Variants in DGKQ observed in about 807,000 individuals in gnomAD.
DGKQ encodes the protein diacylglycerol kinase theta, also known as DAG kinase theta.
In DGKQ, 97 loss-of-function variants were observed where a neutral mutation model predicts 104.2. The ratio of observed to expected loss-of-function variants is 0.93; its 90% CI spans 0.79 to 1.10. DGKQ has a LOEUF of 1.10. Ranked by LOEUF, DGKQ falls within the 50% of genes least tolerant of loss-of-function variation. The pLI is 0.00. For synonymous variants in DGKQ, 736 were observed against 595.2 expected (o/e 1.24, Z -3.44); for missense variants, 1,465 against 1,352.1 (o/e 1.08, Z -1.31).
At chr4:963,044 C>A in intron 16 of DGKQ, 95 bp downstream of exon 16, 1 of 1,489,960 alleles carries the variant, frequency 6.7e-7, no homozygotes, top group South Asian at 1.3e-5. Context: ...ACGGGATCCC[C>A]GTGGAGCTCC....
Position 961,679 on chromosome 4 carries a change from C to A in DGKQ, c.2462+9G>T. On this transcript the variant is annotated intron_variant, in intron 20 of 22. Transcript: ENST00000273814. ...GGCAGAGCCTCTGGGGAGCCCCGCCCGCGAGCACCTGGGGATGTTGATGAA... is the reference window on the plus strand; with the variant it reads ...GGCAGAGCCTCTGGGGAGCCCCGCCAGCGAGCACCTGGGGATGTTGATGAA... 6.2e-7 allele frequency: 1 copy of A among 1,612,346 alleles called. No individual in the cohort carries two copies. The highest frequency in any genetic ancestry group is 1.1e-5 in the South Asian group (1 of 91,074).
chr4:966,781 G>A lies in DGKQ; in HGVS notation c.1333C>T (p.Gln445Ter). Residue 445 changes from glutamine to a stop codon, truncating the protein, a stop_gained, in exon 11 of 23, where the codon CAG becomes TAG. Coordinates refer to ENST00000273814, the MANE Select transcript of DGKQ (RefSeq NM_001347.4). LOFTEE classifies it high-confidence loss of function. Reference sequence around the variant, plus strand: ...CAGCCCATCGCCACCTCCACCAGCTGGAAGCTCTCGGGACTCTCGGCCTGT... The same window carrying A: ...CAGCCCATCGCCACCTCCACCAGCTAGAAGCTCTCGGGACTCTCGGCCTGT... ...GRQAESPESF[Q>*]LVEVAMGCRH... is the part of the protein sequence containing the mutation. The A allele has an allele frequency of 1.2e-6, 2 of 1,610,086 alleles. No individual in the cohort carries two copies. Among genetic ancestry groups the A allele is most frequent in the South Asian group, 1.1e-5 (1 of 90,388 alleles).
chr4:965,899 C>T, intron 13 of DGKQ, 29 bp downstream of exon 13: 1 of 1,565,310 alleles, frequency 6.4e-7, no homozygotes, highest in East Asian at 2.3e-5. Context: ...CCCGTGCCAG[C>T]AGCCCACGGC....
At position 961,848 on chromosome 4, in the gene DGKQ, C is replaced by A. The variant is rs1220439470; in HGVS notation, c.2316-14G>T. 1 of 1,591,836 alleles carries A rather than the reference C, an allele frequency of 6.3e-7. No individual in the cohort carries two copies. Among genetic ancestry groups the A allele is most frequent in the South Asian group, 1.1e-5 (1 of 87,812 alleles). ...TTGTTGTGCAGCCTGCAGGACGGGG[C>A]AGGTCACCCATCACCAGGGGAAGCC... On this transcript the variant is annotated splice_polypyrimidine_tract_variant and intron_variant, in intron 19 of 22. Coordinates refer to ENST00000273814, the MANE Select transcript of DGKQ (RefSeq NM_001347.4).
chr4:971,927 AC>A lies in DGKQ; in HGVS notation c.272-856del, dbSNP rs1243517253. On this transcript the variant is annotated intron_variant, in intron 1 of 22. Coordinates refer to ENST00000273814, the MANE Select transcript of DGKQ (RefSeq NM_001347.4). This position sits in a 1 kb window ranked among gnomAD's most constrained non-coding sequence, Gnocchi z 4.0. The stretch of plus-strand genomic sequence containing the variant: ...CCCTTCACCTGCTGCAGCCCTAGCC[AC>A]CCCAGTCTCCAGATGGGACCGGGAG... 1.3e-5 allele frequency among the ~76,000 whole-genome samples: 2 copies of A among 151,920 alleles called. No individual in the cohort carries two copies. Among genetic ancestry groups the A allele is most frequent in the East Asian group, 3.9e-4 (2 of 5,156 alleles).
At position 968,007 on chromosome 4, in the gene DGKQ, C is replaced by A. The variant is rs899728469; in HGVS notation, c.684G>T (p.Ala228=). ...CGAAGCCACACTCGGGAGCCAGCGC[C>A]GCGGAGCAGAGGGAGTGCGCCTGGG... The part of the protein sequence containing the change: ...CGVQAHSLCS[A]ALAPECGFGR... Residue 228 remains alanine, a synonymous_variant, in exon 6 of 23, where the codon GCG becomes GCT. Coordinates refer to ENST00000273814, the MANE Select transcript of DGKQ (RefSeq NM_001347.4). The A allele has an allele frequency of 3.2e-5, 46 of 1,450,710 alleles. No individual in the cohort carries two copies. The highest frequency in any genetic ancestry group is 4.1e-5 in the Non-Finnish European group (46 of 1,110,762). The allele number at this position is 1,450,710 out of a possible 1,614,324, so 89.9% of individuals were successfully genotyped here. A position where few individuals can be genotyped will look rare whatever the true frequency, so the allele number is the denominator to read the frequency against.
rs780694287 is a variant in DGKQ, at chr4:967,570, C to T, written c.966G>A (p.Leu322=). 6.2e-7 allele frequency: 1 copy of T among 1,612,608 alleles called. No individual in the cohort carries two copies. The highest frequency in any genetic ancestry group is 8.5e-7 in the Non-Finnish European group (1 of 1,179,854). The change falls in exon 8 of 23, where the codon CTG becomes CTA. Residue 322 remains leucine, a synonymous_variant. Transcript: ENST00000273814. ...TTACCAGCACCTCCTCGGCACCGGC[C>T]AGGCGGGACACCGTGACGAGGCGGA... The part of the protein sequence containing the change: ...SQFRLVTVSR[L]AGAEEVLEAA...
At position 965,157 on chromosome 4, in the gene DGKQ, G is replaced by A. The variant is rs375273545; in HGVS notation, c.1734+19C>T. 1.1e-5 allele frequency: 18 copies of A among 1,607,964 alleles called. No homozygotes were observed. Among genetic ancestry groups the A allele is most frequent in the Middle Eastern group, 1.7e-4 (1 of 6,050 alleles). Reference sequence around the variant, plus strand: ...CACCCCCTGGGGTGTGTGAAGAGCCGGCTTGACCGCACACTCACCAGCAGG... The same window carrying A: ...CACCCCCTGGGGTGTGTGAAGAGCCAGCTTGACCGCACACTCACCAGCAGG... On this transcript the variant is annotated intron_variant, in intron 15 of 22. Transcript: ENST00000273814.
Position 965,935 on chromosome 4 carries a change from A to G in DGKQ, c.1572T>C (p.Ala524=), listed in dbSNP as rs1712282249. 3 of 1,600,360 alleles carry G rather than the reference A, an allele frequency of 1.9e-6. No homozygotes were observed. The highest frequency in any genetic ancestry group is 2.2e-5 in the East Asian group (1 of 44,490). ...EYSSLLHEAG[A]TKATVVSVSH... is the part of the protein sequence containing the mutation. Reference sequence around the variant, plus strand: ...CAGCCACAGTGGTCACACCTTTGGTAGCCCCGGCCTCATGCAGCAGGCTGC... The same window carrying G: ...CAGCCACAGTGGTCACACCTTTGGTGGCCCCGGCCTCATGCAGCAGGCTGC... The change falls in exon 13 of 23, where the codon GCT becomes GCC. Residue 524 remains alanine, a synonymous_variant. Transcript: ENST00000273814.
In DGKQ at chr4:971,023, C is replaced by A. The variant is rs780672484; in HGVS notation, c.321G>T (p.Pro107=). The A allele has an allele frequency of 5.8e-6, 9 of 1,555,156 alleles. No homozygotes were observed. The highest frequency in any genetic ancestry group is 7.0e-6 in the Non-Finnish European group (8 of 1,149,208). The change falls in exon 2 of 23, where the codon CCG becomes CCT. Residue 107 remains proline, a synonymous_variant. Coordinates refer to ENST00000273814, the MANE Select transcript of DGKQ (RefSeq NM_001347.4). The surrounding 1 kb of genome is among the most constrained non-coding windows in gnomAD (Gnocchi z 4.0). ...CCAGGCTGGGTGCCACACTCGTGCA[C>A]GGGATCCTCACGTGCTTCAGGCACT... ...HEKCLKHVRI[P]CTSVAPSLVR...
rs1712560586 is a variant in DGKQ, at chr4:967,965, C to T, written c.726G>A (p.Leu242=). 6.7e-7 allele frequency: 1 copy of T among 1,485,714 alleles called. No homozygotes were observed. Among genetic ancestry groups the T allele is most frequent in the Non-Finnish European group, 8.9e-7 (1 of 1,126,284 alleles). The allele number at this position is 1,485,714 out of a possible 1,614,324, so 92.0% of individuals were successfully genotyped here. The change falls in exon 6 of 23, where the codon CTG becomes CTA. Residue 242 remains leucine (L), a synonymous_variant. Coordinates refer to ENST00000273814, the MANE Select transcript of DGKQ (RefSeq NM_001347.4). The stretch of plus-strand genomic sequence containing the variant: ...GGCGCACGCACGCGGGAGGCAGGAC[C>T]AGGGAGCGCAGACGCCCGAAGCCAC... The part of the protein sequence containing the change: ...PECGFGRLRS[L]VLPPACVRLL...
In DGKQ at chr4:961,021, C is replaced by T. The variant is rs745431809; in HGVS notation, c.2727+28G>A. The T allele has an allele frequency of 1.2e-5, 20 of 1,610,112 alleles. 1 individual carries two copies. Among genetic ancestry groups the T allele is most frequent in the Middle Eastern group, 3.3e-4 (2 of 6,050 alleles). On this transcript the variant is annotated intron_variant, in intron 22 of 22. Coordinates refer to ENST00000273814, the MANE Select transcript of DGKQ (RefSeq NM_001347.4). The stretch of plus-strand genomic sequence containing the variant: ...GGCCGGCCCAGCCCGGCCCACCTCC[C>T]CTGGCTCTCCAGCCTCACCCCACAT...
chr4:970,661 C>A lies in DGKQ; in HGVS notation c.351+332G>T, dbSNP rs10005289. On this transcript the variant is annotated intron_variant, in intron 2 of 22. Transcript: ENST00000273814. ...GCCAGATGCCGAAATCTCCATCCCC[C>A]CCAGGAGCCCTCACGCTGCATGTCA... 4.5e-3 allele frequency among the ~76,000 whole-genome samples: 678 copies of A among 152,328 alleles called. 5 individuals carry two copies. The highest frequency in any genetic ancestry group is 0.016 in the African/African-American group (650 of 41,568).
chr4:961,340 C>A, intron 21 of DGKQ, 127 bp downstream of exon 21: 1 of 1,260,790 alleles, frequency 7.9e-7, no homozygotes, highest in South Asian at 1.6e-5. Flanking sequence ...GAGAGGCCAG[C>A]CGGGCTCAGC....
Position 971,174 on chromosome 4 carries a change from G to A in DGKQ, c.272-102C>T, listed in dbSNP as rs980176277. Reference sequence around the variant, plus strand: ...GGGCAATGACTGCCATACCCACCATGCTGCACCAGGGGCCCTGTGGTCCTC... The same window carrying A: ...GGGCAATGACTGCCATACCCACCATACTGCACCAGGGGCCCTGTGGTCCTC... On this transcript the variant is annotated intron_variant, in intron 1 of 22. Coordinates refer to ENST00000273814, the MANE Select transcript of DGKQ (RefSeq NM_001347.4). This position sits in a 1 kb window ranked among gnomAD's most constrained non-coding sequence, Gnocchi z 4.0. 8.6e-6 allele frequency: 7 copies of A among 814,068 alleles called. No individual in the cohort carries two copies. Among genetic ancestry groups the A allele is most frequent in the East Asian group, 8.3e-5 (3 of 36,140 alleles). 50.4% of individuals were successfully genotyped at this position (814,068 alleles called of 1,614,324 possible).
At position 968,342 on chromosome 4, in the gene DGKQ, C is replaced by A; in HGVS notation, c.603G>T (p.Arg201Ser). The A allele has an allele frequency of 7.0e-7, 1 of 1,436,866 alleles. No individual in the cohort carries two copies. Among genetic ancestry groups the A allele is most frequent in the Non-Finnish European group, 9.2e-7 (1 of 1,089,612 alleles). 89.0% of individuals were successfully genotyped at this position (1,436,866 alleles called of 1,614,324 possible). Residue 201 changes from arginine to serine, a missense_variant, in exon 5 of 23, where the codon AGG (arginine) becomes AGT (serine). By Grantham distance (110) the Arg-to-Ser change is moderately radical (BLOSUM62 -1). Transcript: ENST00000273814. ...LPSGARCEVC[R>S]KTCGSSDVLA... ...GCACGTCAGAGGAGCCGCACGTCTT[C>A]CTGCAGACCTCGCAGCGCGCTCCCG...
intron 8 of DGKQ, 45 bp from the exon 9 acceptor site, chr4:967,406 C>A: frequency 5.6e-6 from 3 of 531,946 alleles, no homozygotes; most frequent in South Asian, 2.5e-5. Context: ...GGGGGTCAGG[C>A]GGGGTTCAGT....
chr4:960,326 C>G lies in DGKQ; in HGVS notation c.*294G>C. ...CCACCCCTGAGGAGAGGACCAGGCC[C>G]CCACAGGGCAGAGGGCTCACCATCC... On this transcript the variant is annotated 3_prime_UTR_variant, in exon 23 of 23. Transcript: ENST00000273814. 2.1e-6 allele frequency: 1 copy of G among 483,594 alleles called. No individual in the cohort carries two copies. Among genetic ancestry groups the G allele is most frequent in the Non-Finnish European group, 3.8e-6 (1 of 265,298 alleles). 30.0% of individuals were successfully genotyped at this position (483,594 alleles called of 1,614,324 possible).
chr4:968,655 G>T, intron 3 of DGKQ, 91 bp from the exon 4 acceptor site: 1 of 1,395,728 alleles, frequency 7.2e-7, no homozygotes, highest in Non-Finnish European at 9.7e-7. Context: ...CCACCACCTA[G>T]CACCCTGCAT....
Sources: gnomAD v4.1 joint callset for allele counts (sites outside exome capture counted in the v4.1 genomes callset) on GRCh38, gnomAD v4.1.1 for gene constraint, Gnocchi (gnomAD v3.1) non-coding constraint, MANE v1.5 for transcripts, NCBI Gene and HGNC (gene_info 2026-07-23, HGNC 2026-07-21) for gene names.